The following SLC49A4 variants were observed in gnomAD, a reference collection of about 807,000 sequenced individuals.
The protein encoded by SLC49A4 is disrupted in renal cancer protein 2.
A neutral mutation model predicts 50.6 loss-of-function variants in SLC49A4; 36 were observed. The ratio of observed to expected loss-of-function variants is 0.71; its 90% CI spans 0.55 to 0.94. The LOEUF (loss-of-function observed/expected upper bound fraction) is 0.94. Ranked by LOEUF, SLC49A4 falls within the 40% of genes least tolerant of loss-of-function variation. The probability of loss-of-function intolerance (pLI) is 0.00; values close to 1 mark genes in which losing one functional copy is unlikely to be tolerated. For missense variants in SLC49A4, 503 were observed against 605.7 expected (o/e 0.83, Z 1.78); for synonymous variants, 248 against 241.2 (o/e 1.03, Z -0.26).
At chr3:122,820,315 C>T (rs1460848770) in intron 2 of SLC49A4, among the ~76,000 whole-genome samples, 1 of 152,058 alleles carries the variant, frequency 6.6e-6, no homozygotes, top group East Asian at 1.9e-4. Context: ...ACTGGAGCTC[C>T]CTCCAATACT....
chr3:122,860,180 C>T lies in SLC49A4; in HGVS notation c.1116C>T (p.Ile372=), dbSNP rs1217453581. ...TWFTLTCLNS[I]THLPLTTVTL... ...TCACCCTGACCTGTTTGAACAGCAT[C>T]ACACACCTACCTTTAACCACAGGTG... The change falls in exon 7 of 9, where the codon ATC becomes ATT. Residue 372 remains isoleucine (I), a synonymous_variant. Coordinates refer to ENST00000261038, the MANE Select transcript of SLC49A4 (RefSeq NM_032839.3). 2.2e-5 allele frequency: 36 copies of T among 1,607,914 alleles called. No homozygotes were observed. The highest frequency in any genetic ancestry group is 2.9e-5 in the Non-Finnish European group (34 of 1,177,318).
In SLC49A4 at chr3:122,795,440, A is replaced by G; in HGVS notation, c.248A>G (p.Tyr83Cys). The G allele has an allele frequency of 1.2e-6, 2 of 1,607,838 alleles. No homozygotes were observed. Among genetic ancestry groups the G allele is most frequent in the South Asian group, 1.1e-5 (1 of 90,714 alleles). The change falls in exon 1 of 9, where the codon TAC (tyrosine) becomes TGC (cysteine). Residue 83 changes from tyrosine to cysteine, a missense_variant. Physicochemically the swap from Tyr to Cys is radical, Grantham distance 194 (BLOSUM62 -2). Transcript: ENST00000261038. ...GPIQNSARQAYGFSSWDIALL... is the reference protein window; with the variant it reads ...GPIQNSARQACGFSSWDIALL... ...ATCCAGAACTCGGCGCGCCAGGCCT[A>G]CGGCTTCTCCAGCTGGGACATCGCG...
At chr3:122,864,441 G>A (rs751780184) in intron 7 of SLC49A4, among the ~76,000 whole-genome samples, 18 of 152,228 alleles carry the variant, frequency 1.2e-4, no homozygotes, top group Non-Finnish European at 1.9e-4. Flanking sequence ...GTACTGAACA[G>A]ATGAATGCTT....
chr3:122,847,399 G>A (rs910577315), intron 5 of SLC49A4, among the ~76,000 whole-genome samples: 11 of 149,586 alleles, frequency 7.4e-5, no homozygotes, highest in Middle Eastern at 6.9e-3. Flanking sequence ...CCAGGCTGGA[G>A]TGCAGTGGCG....
chr3:122,853,276 C>A (rs1040069710), intron 5 of SLC49A4, among the ~76,000 whole-genome samples: 4 of 152,170 alleles, frequency 2.6e-5, no homozygotes, highest in Non-Finnish European at 4.4e-5. Context: ...GCCCCCACCT[C>A]TTAATATGAT....
At chr3:122,835,916 CAA>C (rs1369870582) in intron 4 of SLC49A4, among the ~76,000 whole-genome samples, 10 of 152,166 alleles carry the variant, frequency 6.6e-5, no homozygotes, top group Non-Finnish European at 1.5e-4. Flanking sequence ...TCTCAGGTTA[CAA>C]AATCAGTGTA....
intron 5 of SLC49A4, among the ~76,000 whole-genome samples, chr3:122,851,103 A>G (rs561468035): frequency 1.3e-5 from 2 of 152,304 alleles, no homozygotes; most frequent in South Asian, 2.1e-4. Context: ...CTTTAACTTC[A>G]TTTAACCCTC....
rs377083287 is a variant in SLC49A4 at position 122,845,884 on chromosome 3, T to C, written c.942+13T>C. On this transcript the variant is annotated intron_variant, in intron 5 of 8. Coordinates refer to ENST00000261038, the MANE Select transcript of SLC49A4 (RefSeq NM_032839.3). Reference sequence around the variant, plus strand: ...GCATGTCAGCCAAGTAAGTATTTTATTTCTTTATATGTTGTAGGTATTTTT... The same window carrying C: ...GCATGTCAGCCAAGTAAGTATTTTACTTCTTTATATGTTGTAGGTATTTTT... 4.5e-6 allele frequency: 7 copies of C among 1,560,838 alleles called. No homozygotes were observed. The African/African-American group carries it at 8.2e-5, about 18-fold the overall frequency.
At chr3:122,808,459 A>C (rs1275930351) in intron 2 of SLC49A4, among the ~76,000 whole-genome samples, 1 of 152,208 alleles carries the variant, frequency 6.6e-6, no homozygotes, top group African/African-American at 2.4e-5. Flanking sequence ...GGAATCAAGC[A>C]TTATATGCAG....
intron 8 of SLC49A4, among the ~76,000 whole-genome samples, chr3:122,877,370 A>G (rs1475223288): frequency 6.6e-6 from 1 of 152,212 alleles, no homozygotes; most frequent in African/African-American, 2.4e-5. Context: ...CACAGTAAAA[A>G]CCAGTCAACA....
chr3:122,857,284 T>TAAAAAAA (rs10694942), intron 6 of SLC49A4, among the ~76,000 whole-genome samples: 2 of 109,406 alleles, frequency 1.8e-5, no homozygotes, highest in African/African-American at 3.4e-5. Context: ...CCATTCGTTC[T>TAAAAAAA]AAAAAAAAAA....
intron 7 of SLC49A4, among the ~76,000 whole-genome samples, chr3:122,862,077 A>G (rs186822785): frequency 1.3e-5 from 2 of 152,368 alleles, no homozygotes; most frequent in African/African-American, 2.4e-5. Flanking sequence ...AAAACTTTTA[A>G]AAGTCTTGCA....
intron 2 of SLC49A4, among the ~76,000 whole-genome samples, chr3:122,824,244 G>A (rs1202225825): frequency 6.6e-6 from 1 of 152,200 alleles, no homozygotes. Flanking sequence ...ATATGCCCTA[G>A]ATTGGCCTCC....
chr3:122,824,726 CCTT>C (rs1936502057), intron 2 of SLC49A4, among the ~76,000 whole-genome samples: 2 of 101,372 alleles, frequency 2.0e-5, no homozygotes, highest in Non-Finnish European at 3.7e-5. Context: ...CTTTTTTTTT[CCTT>C]CTTTTTTTTT....
chr3:122,862,820 A>G (rs937795327), intron 7 of SLC49A4, among the ~76,000 whole-genome samples: 1 of 152,220 alleles, frequency 6.6e-6, no homozygotes, highest in African/African-American at 2.4e-5. Flanking sequence ...CTCTGGGTAG[A>G]ATATTAAGAA....
Position 122,795,343 on chromosome 3 carries a change from CGCTGGCTGGTGCT to C in SLC49A4, c.156_168del (p.Trp52CysfsTer63). On this transcript the variant is annotated frameshift_variant, in exon 1 of 9. Coordinates refer to ENST00000261038, the MANE Select transcript of SLC49A4 (RefSeq NM_032839.3). LOFTEE classifies it high-confidence loss of function. ...GGGTCCCGGGCGGGTATACGGGCGC[CGCTGGCTGGTGCT>C]GCTGCTCTTCTCGCTGCTGGCGTTC... 1 of 1,561,384 alleles carries C rather than the reference CGCTGGCTGGTGCT, an allele frequency of 6.4e-7. No homozygotes were observed. The highest frequency in any genetic ancestry group is 8.6e-7 in the Non-Finnish European group (1 of 1,162,098).
rs1004280286 is a variant in SLC49A4 at position 122,858,137 on chromosome 3, T to C, written c.1010+1763T>C. Among the ~76,000 whole-genome samples the C allele has an allele frequency of 1.2e-4, 18 of 152,344 alleles. No individual in the cohort carries two copies. The South Asian group carries it at 3.7e-3, about 32-fold the overall frequency. On this transcript the variant is annotated intron_variant, in intron 6 of 8. Coordinates refer to ENST00000261038, the MANE Select transcript of SLC49A4 (RefSeq NM_032839.3). ...CATACATGAGTGCTTTGGGTGATAT[T>C]TTTGTAATTAAAGACCACTATTAAA...
intron 2 of SLC49A4, among the ~76,000 whole-genome samples, chr3:122,808,829 C>T (rs1236156729): frequency 6.6e-6 from 1 of 152,158 alleles, no homozygotes; most frequent in Non-Finnish European, 1.5e-5. Context: ...TGGTCAAATT[C>T]TGATCATCTT....
intron 7 of SLC49A4, among the ~76,000 whole-genome samples, chr3:122,862,317 C>T (rs544243715): frequency 3.4e-4 from 51 of 152,210 alleles, no homozygotes; most frequent in African/African-American, 1.2e-3. Context: ...GCTAGGAGTG[C>T]TAAGAACAAA....
Sources: gnomAD v4.1 joint callset for allele counts (sites outside exome capture counted in the v4.1 genomes callset) on GRCh38, gnomAD v4.1.1 for gene constraint, MANE v1.5 for transcripts, NCBI Gene and HGNC (gene_info 2026-07-23, HGNC 2026-07-21) for gene names.